The following MAGED1 variants were observed in gnomAD, a reference collection of about 807,000 sequenced individuals.
MAGED1 encodes the protein melanoma-associated antigen D1.
A neutral mutation model predicts 54.1 loss-of-function variants in MAGED1; 3 were observed. That is an observed-to-expected ratio of 0.06 (90% CI 0.03 to 0.14). The LOEUF is 0.14. MAGED1 is among the 10% of genes least tolerant of loss of function. The probability of loss-of-function intolerance (pLI) is 1.00; values close to 1 mark genes in which losing one functional copy is unlikely to be tolerated. For missense variants in MAGED1, 485 were observed against 623.4 expected, an observed-to-expected ratio of 0.78 and a Z score of 2.36; for synonymous variants, 217 against 227.3, an observed-to-expected ratio of 0.95 and a Z score of 0.41.
chrX:51,847,884 C>A (rs782548940), intron 1 of MAGED1, among the ~76,000 whole-genome samples: 12 of 112,121 alleles, frequency 1.1e-4, no homozygotes, highest in Non-Finnish European at 2.3e-4. Context: ...AATGAGCATT[C>A]TTGTACAAAT....
chrX:51,868,275 GTGTT>G (rs1405750242), intron 1 of MAGED1, among the ~76,000 whole-genome samples: 3 of 111,512 alleles, frequency 2.7e-5, no homozygotes, highest in African/African-American at 9.8e-5. Context: ...GTGTGTGTGT[GTGTT>G]TGTGTGTGTG....
intron 1 of MAGED1, among the ~76,000 whole-genome samples, chrX:51,833,065 T>C (rs1926124900): frequency 9.0e-6 from 1 of 111,441 alleles, no homozygotes; most frequent in African/African-American, 3.3e-5. Context: ...TGTTTTGTAA[T>C]GCAATTTTCT....
intron 1 of MAGED1, among the ~76,000 whole-genome samples, chrX:51,883,499 G>A (rs1557362630): frequency 2.7e-5 from 3 of 111,692 alleles, no homozygotes; most frequent in African/African-American, 9.8e-5. Flanking sequence ...ACCTACATGT[G>A]GTAAAACAGA....
Position 51,894,708 on chromosome X carries a change from C to T in MAGED1, c.46-345C>T. 7.7e-6 allele frequency: 9 copies of T among 1,169,869 alleles called. No individual in the cohort carries two copies. The South Asian group carries it at 1.4e-4, about 18-fold the overall frequency. ...CCTCCCTCTTTCTGCATTCCCCACT[C>T]TGTGCGACCCCCCTTATTCTCAACT... On this transcript the variant is annotated intron_variant, in intron 2 of 12. Coordinates refer to ENST00000326587, the MANE Select transcript of MAGED1 (RefSeq NM_006986.4).
At chrX:51,869,916 G>A (rs781954071) in intron 1 of MAGED1, among the ~76,000 whole-genome samples, 12 of 111,270 alleles carry the variant, frequency 1.1e-4, no homozygotes, top group African/African-American at 2.9e-4. Flanking sequence ...CTGGCGCCCA[G>A]GCTGGGGTGC....
intron 2 of MAGED1, chrX:51,894,563 G>A: frequency 1.0e-6 from 1 of 1,004,160 alleles, no homozygotes; most frequent in Non-Finnish European, 1.4e-6. Flanking sequence ...GACCCTGTTA[G>A]TAGTCAGGGC....
chrX:51,841,634 A>C (rs1557358593), intron 1 of MAGED1, among the ~76,000 whole-genome samples: 1 of 111,844 alleles, frequency 8.9e-6, no homozygotes, highest in African/African-American at 3.3e-5. Context: ...GAAGGGATCC[A>C]GTTTCAGCTT....
chrX:51,898,040 G>C (rs1372844599), intron 7 of MAGED1, 74 bp from the exon 8 acceptor site: 5 of 986,641 alleles, frequency 5.1e-6, no homozygotes, highest in Non-Finnish European at 7.2e-6. Context: ...TATTGGGGAG[G>C]CTAGATGGGC....
rs782423947 is a variant in MAGED1 at position 51,895,637 on chromosome X, T to C, written c.630T>C (p.Ala210=). 1.7e-6 allele frequency: 2 copies of C among 1,210,744 alleles called. No homozygotes were observed. Among genetic ancestry groups the C allele is most frequent in the South Asian group, 3.5e-5 (2 of 56,473 alleles). ...VNQAKMATSQ[A]DIETDPGISE... ...AGGCCAAAATGGCCACTTCCCAGGC[T>C]GACATAGAGACCGACCCAGGTATCT... Residue 210 remains alanine (A), a synonymous_variant, in exon 3 of 13, where the codon GCT becomes GCC. Transcript: ENST00000326587.
chrX:51,824,783 C>CAT (rs1491073733), intron 1 of MAGED1, among the ~76,000 whole-genome samples: 1 of 76,235 alleles, frequency 1.3e-5, no homozygotes, highest in African/African-American at 5.2e-5. Flanking sequence ...TATATATACA[C>CAT]ATATATATAC....
rs1557357462 is a variant in MAGED1 at position 51,831,470 on chromosome X, A to G, written c.-37+28353A>G. On this transcript the variant is annotated intron_variant, in intron 1 of 12. Transcript: ENST00000375772. The stretch of plus-strand genomic sequence containing the variant: ...CTACAAAAAAATAAAAGAATTAGTC[A>G]GGCATGGTGGTGTGCACCTGTGGTC... 2.7e-5 allele frequency among the ~76,000 whole-genome samples: 3 copies of G among 110,844 alleles called. No homozygotes were observed. In the East Asian group the frequency reaches 8.6e-4, roughly 32 times the overall value.
chrX:51,829,460 C>A (rs1486353963), intron 1 of MAGED1, among the ~76,000 whole-genome samples: 1 of 109,363 alleles, frequency 9.1e-6, no homozygotes, highest in Admixed American at 9.9e-5. Flanking sequence ...AAATAAAATA[C>A]CAACACCAAA....
intron 1 of MAGED1, among the ~76,000 whole-genome samples, chrX:51,835,435 G>A (rs1381987717): frequency 1.8e-5 from 2 of 111,070 alleles, no homozygotes; most frequent in Non-Finnish European, 3.8e-5. Flanking sequence ...TTTATGGAAT[G>A]TATATTGCTT....
At chrX:51,879,555 A>C (rs1354607310) in intron 1 of MAGED1, among the ~76,000 whole-genome samples, 4 of 111,423 alleles carry the variant, frequency 3.6e-5, no homozygotes, top group African/African-American at 6.5e-5. Flanking sequence ...TTATTCTATT[A>C]TAAGTAAGAT....
At chrX:51,811,694 T>C (rs1289744572) in intron 1 of MAGED1, among the ~76,000 whole-genome samples, 1 of 111,629 alleles carries the variant, frequency 9.0e-6, no homozygotes. Context: ...ATTACTACTT[T>C]TCATTCTCTC....
At chrX:51,845,546 T>C (rs1292828147) in intron 1 of MAGED1, among the ~76,000 whole-genome samples, 7 of 111,231 alleles carry the variant, frequency 6.3e-5, no homozygotes, top group African/African-American at 2.3e-4. Context: ...GAGCAGATAA[T>C]TCGTTTTGCA....
intron 1 of MAGED1, among the ~76,000 whole-genome samples, chrX:51,805,301 A>G (rs1162169278): frequency 4.5e-5 from 5 of 111,160 alleles, no homozygotes; most frequent in Non-Finnish European, 9.4e-5. Context: ...CTTTCCCCCT[A>G]ATGTTCAACA....
At chrX:51,812,562 A>G (rs1490048344) in intron 1 of MAGED1, among the ~76,000 whole-genome samples, 1 of 111,948 alleles carries the variant, frequency 8.9e-6, no homozygotes, top group African/African-American at 3.2e-5. Context: ...TTCAAAGTTT[A>G]TCCATATTAT....
intron 1 of MAGED1, among the ~76,000 whole-genome samples, chrX:51,871,409 C>T (rs1460094429): frequency 9.1e-6 from 1 of 110,080 alleles, no homozygotes; most frequent in African/African-American, 3.3e-5. Flanking sequence ...TCTCCTAATG[C>T]TATCCCTCCC....
Sources: allele counts gnomAD v4.1 joint callset (sites outside exome capture counted in the v4.1 genomes callset), GRCh38; gene constraint gnomAD v4.1.1; transcripts MANE v1.5; gene names NCBI Gene and HGNC (gene_info 2026-07-23, HGNC 2026-07-21).